Variants in RC3H2 observed in about 807,000 individuals in gnomAD.
RC3H2 encodes roquin-2.
A neutral mutation model predicts 133.3 loss-of-function variants in RC3H2; 31 were observed. That is an observed-to-expected ratio of 0.23 (90% CI 0.17 to 0.31). The LOEUF (loss-of-function observed/expected upper bound fraction) is 0.31, where lower values mean the gene tolerates loss of function less well. Ranked by LOEUF, RC3H2 falls within the 10% of genes least tolerant of loss-of-function variation. The probability of loss-of-function intolerance (pLI) is 1.00; values close to 1 mark genes in which losing one functional copy is unlikely to be tolerated. For missense variants in RC3H2, 1,175 were observed against 1,437.2 expected, an observed-to-expected ratio of 0.82 and a Z score of 2.95; for synonymous variants, 517 against 502.2, an observed-to-expected ratio of 1.03 and a Z score of -0.40.
At chr9:122,890,959 A>G (rs925316700) in intron 3 of RC3H2, among the ~76,000 whole-genome samples, 2 of 151,018 alleles carry the variant, frequency 1.3e-5, no homozygotes, top group African/African-American at 4.9e-5. Context: ...TATTTCATCC[A>G]TCTAAAATAC....
At chr9:122,877,624 G>A in intron 8 of RC3H2, 41 bp from the exon 9 acceptor site, 1 of 1,458,680 alleles carries the variant, frequency 6.9e-7, no homozygotes, top group Non-Finnish European at 9.6e-7. Context: ...GCAAGGTGAA[G>A]ATTCCATTTG....
At chr9:122,853,834 CA>C in intron 18 of RC3H2, 117 bp downstream of exon 18, 1 of 1,572,200 alleles carries the variant, frequency 6.4e-7, no homozygotes, top group Non-Finnish European at 8.7e-7. Context: ...GTTTTAAAAG[CA>C]ATCAATCATC....
chr9:122,892,216 A>C (rs1250427523), intron 3 of RC3H2, among the ~76,000 whole-genome samples: 1 of 151,410 alleles, frequency 6.6e-6, no homozygotes, highest in Non-Finnish European at 1.5e-5. Flanking sequence ...GGCTCATGTG[A>C]TTCTCCTACA....
rs371626611 is a variant in RC3H2 at position 122,865,668 on chromosome 9, A to T, written c.1326-11T>A. The T allele has an allele frequency of 5.0e-6, 8 of 1,600,698 alleles. No individual in the cohort carries two copies. Among genetic ancestry groups the T allele is most frequent in the Non-Finnish European group, 6.0e-6 (7 of 1,174,430 alleles). ...TTCCTTAATCGATACCTGTTTCAAA[A>T]ACAATCAACAGATTGGTGAATATTT... On this transcript the variant is annotated splice_polypyrimidine_tract_variant and intron_variant, in intron 9 of 20. Transcript: ENST00000357244.
At chr9:122,876,656 C>CCAG (rs998118827) in intron 9 of RC3H2, among the ~76,000 whole-genome samples, 1 of 151,492 alleles carries the variant, frequency 6.6e-6, no homozygotes. Context: ...GATACACTGG[C>CCAG]CAGCAGAAAG....
At position 122,853,888 on chromosome 9, in the gene RC3H2, A is replaced by G. The variant is rs369646864; in HGVS notation, c.3117+64T>C. 5.6e-6 allele frequency: 9 copies of G among 1,614,092 alleles called. No individual in the cohort carries two copies. In the African/African-American group the frequency reaches 9.3e-5, roughly 17 times the overall value. On this transcript the variant is annotated intron_variant, in intron 18 of 20. Coordinates refer to ENST00000357244, the MANE Select transcript of RC3H2 (RefSeq NM_001100588.3). Reference sequence around the variant, plus strand: ...CCAAAATGCACTCAGTAATGGTATAACCAAGATGCAGCAGCAGAAAACAAA... The same window carrying G: ...CCAAAATGCACTCAGTAATGGTATAGCCAAGATGCAGCAGCAGAAAACAAA...
intron 9 of RC3H2, chr9:122,875,201 G>A (rs1231629691): frequency 1.9e-6 from 3 of 1,550,764 alleles, no homozygotes; most frequent in Non-Finnish European, 2.6e-6. Context: ...CACTTCAAGT[G>A]GGGAAAAAAA....
intron 8 of RC3H2, 121 bp downstream of exon 8, chr9:122,879,634 A>C: frequency 7.5e-6 from 5 of 665,660 alleles, no homozygotes; most frequent in Non-Finnish European, 7.7e-6. Context: ...CCAAAAGAAT[A>C]GAGATGATAG....
chr9:122,866,348 A>T, intron 9 of RC3H2, among the ~76,000 whole-genome samples: 1 of 141,638 alleles, frequency 7.1e-6, no homozygotes, highest in African/African-American at 2.6e-5. Context: ...TCCATTTAAG[A>T]AAATGTCTCC....
chr9:122,905,156 C>G lies in RC3H2; in HGVS notation c.-114G>C, dbSNP rs1832794458. ...CGCTAAGGGCCGCTCCCGGGAGCCC[C>G]GCGACGGCGCGGCTTGGCGACGGAG... On this transcript the variant is annotated 5_prime_UTR_variant, in exon 1 of 21. Transcript: ENST00000357244. The G allele has an allele frequency of 1.0e-6, 1 of 985,464 alleles. No homozygotes were observed. The highest frequency in any genetic ancestry group is 1.2e-6 in the Non-Finnish European group (1 of 829,952). 61.0% of individuals were successfully genotyped at this position (985,464 alleles called of 1,614,324 possible).
At chr9:122,866,412 GTCTCCC>G (rs1457174931) in intron 9 of RC3H2, among the ~76,000 whole-genome samples, 2 of 69,036 alleles carry the variant, frequency 2.9e-5, no homozygotes, top group Non-Finnish European at 5.5e-5. Flanking sequence ...TCTCCCCACG[GTCTCCC>G]TCTCCCTCTC....
chr9:122,852,532 T>TG lies in RC3H2; in HGVS notation c.3118-1097dup, dbSNP rs1233305012. On this transcript the variant is annotated intron_variant, in intron 18 of 20. Transcript: ENST00000357244. ...CCAGCCGCCCCGTCCGGGAGGGAGG[T>TG]GGGGGGGTCAGCCCCCCGCCCGGCC... 1.6e-3 allele frequency among the ~76,000 whole-genome samples: 184 copies of TG among 112,638 alleles called. 1 individual carries two copies. Among genetic ancestry groups the TG allele is most frequent in the Non-Finnish European group, 2.3e-3 (126 of 55,056 alleles). 73.9% of individuals were successfully genotyped at this position (112,638 alleles called of 152,430 possible). A position where few individuals can be genotyped will look rare whatever the true frequency, so the allele number is the denominator to read the frequency against.
chr9:122,854,005 G>A lies in RC3H2; in HGVS notation c.3064C>T (p.Arg1022Cys), dbSNP rs753286564. The change falls in exon 18 of 21, where the codon CGT (arginine) becomes TGT (cysteine). Residue 1022 changes from arginine (R) to cysteine (C), a missense_variant. Physicochemically the swap from Arg to Cys is radical, Grantham distance 180 (BLOSUM62 -3). Coordinates refer to ENST00000357244, the MANE Select transcript of RC3H2 (RefSeq NM_001100588.3). ...QQKWNSLDEG[R>C]HLTLNLLSKE... ...CTTAAAAGGTTTAAGGTAAGGTGACGGCCTTCATCCAGGGAATTCCACTTC... is the reference window on the plus strand; with the variant it reads ...CTTAAAAGGTTTAAGGTAAGGTGACAGCCTTCATCCAGGGAATTCCACTTC... 1.9e-6 allele frequency: 3 copies of A among 1,614,070 alleles called. No homozygotes were observed. Among genetic ancestry groups the A allele is most frequent in the Admixed American group, 1.7e-5 (1 of 60,008 alleles).
rs1219803614 is a variant in RC3H2 at position 122,858,819 on chromosome 9, A to G, written c.2133T>C (p.Ile711=). ...WRPPMYQRDD[I]IRSNSLPPMD... is the part of the protein sequence containing the mutation. ...TTGGAGGTAAAGAATTGCTTCTAAT[A>G]ATGTCATCTCGTTGGTACATAGGTG... Residue 711 remains isoleucine (I), a synonymous_variant, in exon 12 of 21, where the codon ATT becomes ATC. Transcript: ENST00000357244. 4.3e-5 allele frequency: 70 copies of G among 1,614,296 alleles called. No homozygotes were observed. Among genetic ancestry groups the G allele is most frequent in the Non-Finnish European group, 5.9e-5 (70 of 1,180,054 alleles).
In RC3H2 at chr9:122,905,244, C is replaced by G. The variant is rs1462301975; in HGVS notation, c.-202G>C. The G allele has an allele frequency of 1.0e-6, 1 of 985,528 alleles. No homozygotes were observed. Among genetic ancestry groups the G allele is most frequent in the African/African-American group, 1.7e-5 (1 of 57,258 alleles). The allele number at this position is 985,528 out of a possible 1,614,324, so 61.0% of individuals were successfully genotyped here. On this transcript the variant is annotated 5_prime_UTR_variant, in exon 1 of 21. Transcript: ENST00000357244. ...TCACGACCTCAAACTCCATCGGGAG[C>G]TACAGGGACAGCCCCGTTGGCGGCG... is the stretch of plus-strand genomic sequence containing the variant.
At chr9:122,896,344 A>G (rs951277634) in intron 2 of RC3H2, among the ~76,000 whole-genome samples, 3 of 152,132 alleles carry the variant, frequency 2.0e-5, no homozygotes, top group Admixed American at 6.5e-5. Context: ...AAGTGAAGTA[A>G]AAAAAAGTAA....
At chr9:122,871,152 G>T (rs1311801056) in intron 9 of RC3H2, among the ~76,000 whole-genome samples, 8 of 152,134 alleles carry the variant, frequency 5.3e-5, no homozygotes, top group Admixed American at 1.3e-4. Flanking sequence ...AAAGATAAGG[G>T]ACAATGAGTT....
Position 122,880,117 on chromosome 9 carries a change from A to G in RC3H2, c.969T>C (p.Ser323=). The G allele has an allele frequency of 2.5e-6, 4 of 1,614,164 alleles. No homozygotes were observed. The highest frequency in any genetic ancestry group is 3.4e-6 in the Non-Finnish European group (4 of 1,179,998). ...HMQSIIDKLQ[S]PESFAKSVQE... is the part of the protein sequence containing the mutation. ...GGACACTCTTTGCAAATGACTCTGG[A>G]GACTGTAGCTAACAAACAGAAATGA... is the stretch of plus-strand genomic sequence containing the variant. Residue 323 remains serine, a synonymous_variant, in exon 7 of 21, where the codon TCT becomes TCC. Coordinates refer to ENST00000357244, the MANE Select transcript of RC3H2 (RefSeq NM_001100588.3).
chr9:122,881,493 G>A (rs1806410927), intron 5 of RC3H2, among the ~76,000 whole-genome samples: 1 of 151,632 alleles, frequency 6.6e-6, no homozygotes. Flanking sequence ...AAGAGAAGGG[G>A]GAGAAATAGA....
Sources: gnomAD v4.1 joint callset for allele counts (sites outside exome capture counted in the v4.1 genomes callset) on GRCh38, gnomAD v4.1.1 for gene constraint, MANE v1.5 for transcripts, NCBI Gene and HGNC (gene_info 2026-07-23, HGNC 2026-07-21) for gene names.